APLP2: variants seen among roughly 807,000 people sequenced by gnomAD.
The protein encoded by APLP2 is CDEI box-binding protein.
Under a neutral mutation model 89.9 loss-of-function variants are expected in APLP2, and 53 were observed. The ratio of observed to expected loss-of-function variants is 0.59; its 90% confidence interval spans 0.47 to 0.74. The LOEUF (loss-of-function observed/expected upper bound fraction) is 0.74. APLP2 is among the 30% of genes least tolerant of loss of function. The pLI is 0.00. For synonymous variants in APLP2, 372 were observed against 348.6 expected, an observed-to-expected ratio of 1.07 and a Z score of -0.75; for missense variants, 973 against 975.9, an observed-to-expected ratio of 1.00 and a Z score of 0.04.
intron 3 of APLP2, among the ~76,000 whole-genome samples, chr11:130,118,774 C>G (rs940520834): frequency 6.6e-6 from 1 of 152,164 alleles, no homozygotes; most frequent in Non-Finnish European, 1.5e-5. Flanking sequence ...GGTACTGCCT[C>G]CCCTAGAGCC....
chr11:130,097,744 A>G (rs1256416345), intron 1 of APLP2, among the ~76,000 whole-genome samples: 5 of 152,238 alleles, frequency 3.3e-5, no homozygotes, highest in African/African-American at 1.2e-4. Flanking sequence ...TTTGGTTTTT[A>G]TGGAATAATG....
At chr11:130,126,573 A>T in intron 7 of APLP2, 127 bp from the exon 8 acceptor site, 2 of 1,074,902 alleles carry the variant, frequency 1.9e-6, no homozygotes, top group South Asian at 2.9e-5. Context: ...GGCAGATAGC[A>T]GCACCCTGCA....
chr11:130,125,665 A>G (rs1448561421), intron 7 of APLP2, among the ~76,000 whole-genome samples: 2 of 152,244 alleles, frequency 1.3e-5, no homozygotes, highest in African/African-American at 2.4e-5. Context: ...TATTAAAATG[A>G]TACAATTCTA....
intron 1 of APLP2, among the ~76,000 whole-genome samples, chr11:130,099,985 G>C (rs1254998989): frequency 6.6e-6 from 1 of 152,218 alleles, no homozygotes; most frequent in Non-Finnish European, 1.5e-5. Flanking sequence ...CTGTTTTGTA[G>C]ATTAAAAAAT....
At chr11:130,077,390 T>A (rs1942320712) in intron 1 of APLP2, among the ~76,000 whole-genome samples, 1 of 152,212 alleles carries the variant, frequency 6.6e-6, no homozygotes, top group Non-Finnish European at 1.5e-5. Flanking sequence ...GGATCGTTAG[T>A]ATTTTCACAT....
chr11:130,074,447 C>A (rs900803781), intron 1 of APLP2, among the ~76,000 whole-genome samples: 1 of 152,196 alleles, frequency 6.6e-6, no homozygotes, highest in Non-Finnish European at 1.5e-5. Context: ...AACTTCTGAC[C>A]TTGTGATCTG....
At chr11:130,084,446 T>A (rs10894176) in intron 1 of APLP2, among the ~76,000 whole-genome samples, 32,088 of 152,102 alleles carry the variant, frequency 0.21, 4,614 homozygotes, top group East Asian at 0.43. Context: ...TTTGTTGACA[T>A]CCTTTGCGTC....
chr11:130,121,947 C>A, intron 5 of APLP2, 137 bp downstream of exon 5: 1 of 1,357,604 alleles, frequency 7.4e-7, no homozygotes, highest in African/African-American at 1.5e-5. Flanking sequence ...ATTAAGCTTG[C>A]ATTTCATTCT....
intron 1 of APLP2, among the ~76,000 whole-genome samples, chr11:130,090,247 CTTTTTTTTTTTT>C (rs539249012): frequency 1.2e-5 from 1 of 86,116 alleles, no homozygotes; most frequent in Non-Finnish European, 2.5e-5. Context: ...CTAGCTCTGT[CTTTTTTTTTTTT>C]TTTTTTTTTA....
chr11:130,121,742 A>G lies in APLP2; in HGVS notation c.645A>G (p.Glu215=), dbSNP rs1334141755. 1 of 1,610,420 alleles carries G rather than the reference A, an allele frequency of 6.2e-7. No homozygotes were observed. The highest frequency in any genetic ancestry group is 1.4e-5 in the African/African-American group (1 of 72,860). The change falls in exon 5 of 17, where the codon GAA becomes GAG. Residue 215 remains glutamate, a synonymous_variant. Coordinates refer to ENST00000338167, the MANE Select transcript of APLP2 (RefSeq NM_001142276.2). The part of the protein sequence containing the change: ...QTKIIGSVSK[E]EEEEDEEEEE... ...AGATTATTGGATCTGTGTCAAAAGAAGAGGAAGAGGAAGATGAAGAGGAAG... is the reference window on the plus strand; with the variant it reads ...AGATTATTGGATCTGTGTCAAAAGAGGAGGAAGAGGAAGATGAAGAGGAAG...
In APLP2 at chr11:130,113,482, A is replaced by C. The variant is rs1379605220; in HGVS notation, c.403+2821A>C. Reference sequence around the variant, plus strand: ...TGTTTACCCCAGCATCCATTTGGACAACTTAGTAACCAGTCGGTAGAGCTA... The same window carrying C: ...TGTTTACCCCAGCATCCATTTGGACCACTTAGTAACCAGTCGGTAGAGCTA... On this transcript the variant is annotated intron_variant, in intron 3 of 16. Coordinates refer to ENST00000338167, the MANE Select transcript of APLP2 (RefSeq NM_001142276.2). Among the ~76,000 whole-genome samples the C allele has an allele frequency of 3.3e-5, 5 of 152,352 alleles. No homozygotes were observed. The East Asian group carries it at 9.6e-4, about 29-fold the overall frequency.
At position 130,090,419 on chromosome 11, in the gene APLP2, A is replaced by G. The variant is rs1591776344; in HGVS notation, c.106-19010A>G. ...GGCAGAGGACCCTGCGGCCTTCCGC[A>G]GTGTTTGTGTCCCTGATTACTTGAG... On this transcript the variant is annotated intron_variant, in intron 1 of 16. Transcript: ENST00000338167. 1.3e-5 allele frequency among the ~76,000 whole-genome samples: 2 copies of G among 150,212 alleles called. 1 individual carries two copies. The highest frequency in any genetic ancestry group is 4.3e-4 in the South Asian group (2 of 4,680).
chr11:130,069,915 T>G lies in APLP2; in HGVS notation c.-63T>G, dbSNP rs1378910614. ...CTTTAGATGCTTCTGGGTCGCGGTG[T>G]GCTAAGCGAGGAGTCCGAGTGTGTG... On this transcript the variant is annotated 5_prime_UTR_variant, in exon 1 of 17. Transcript: ENST00000338167. The G allele has an allele frequency of 5.5e-6, 7 of 1,272,736 alleles. No homozygotes were observed. The highest frequency in any genetic ancestry group is 7.5e-6 in the Non-Finnish European group (7 of 930,034). 78.8% of individuals were successfully genotyped at this position (1,272,736 alleles called of 1,614,324 possible). A position where few individuals can be genotyped will look rare whatever the true frequency, so the allele number is the denominator to read the frequency against.
chr11:130,102,356 T>G (rs1947055545), intron 1 of APLP2, among the ~76,000 whole-genome samples: 1 of 152,138 alleles, frequency 6.6e-6, no homozygotes, highest in African/African-American at 2.4e-5. Flanking sequence ...AAGGCCTGCT[T>G]CATTCCGCGT....
chr11:130,073,392 A>T (rs552833040), intron 1 of APLP2, among the ~76,000 whole-genome samples: 2 of 152,280 alleles, frequency 1.3e-5, no homozygotes, highest in African/African-American at 2.4e-5. Context: ...TTGGTCCTGC[A>T]TATGTTTTTA....
chr11:130,121,614 G>C lies in APLP2; in HGVS notation c.517G>C (p.Ala173Pro). The change falls in exon 5 of 17, where the codon GCA becomes CCA. Residue 173 changes from alanine to proline, a missense_variant and splice_region_variant. By Grantham distance (27) the Ala-to-Pro change is conservative (BLOSUM62 -1). Transcript: ENST00000338167. ...HQHWHTVVKE[A>P]CLTQGMTLYS... ...GATGTGGCCTGTGGGTTTCTTTTAG[G>C]CATGTCTGACTCAGGGAATGACCTT... 6.2e-7 allele frequency: 1 copy of C among 1,612,018 alleles called. No homozygotes were observed. The highest frequency in any genetic ancestry group is 8.5e-7 in the Non-Finnish European group (1 of 1,178,618).
In APLP2 at chr11:130,142,074, G is replaced by T; in HGVS notation, c.2154G>T (p.Glu718Asp). The T allele has an allele frequency of 6.2e-7, 1 of 1,611,538 alleles. No individual in the cohort carries two copies. Among genetic ancestry groups the T allele is most frequent in the Non-Finnish European group, 8.5e-7 (1 of 1,179,094 alleles). The change falls in exon 16 of 17, where the codon GAG becomes GAT. Residue 718 changes from glutamate to aspartate, a missense_variant and splice_region_variant. By Grantham distance (45) the Glu-to-Asp change is conservative. Transcript: ENST00000338167. ...QYGTISHGIV[E>D]VDPMLTPEER... ...GCACCATCAGCCACGGGATCGTGGAGGTGAGGAGCTGGGCTGCTGAGGGCC... is the reference window on the plus strand; with the variant it reads ...GCACCATCAGCCACGGGATCGTGGATGTGAGGAGCTGGGCTGCTGAGGGCC...
At chr11:130,092,798 A>G (rs1224389203) in intron 1 of APLP2, among the ~76,000 whole-genome samples, 1 of 152,094 alleles carries the variant, frequency 6.6e-6, no homozygotes, top group Non-Finnish European at 1.5e-5. Flanking sequence ...AAACTAACAA[A>G]GAACAGGAAG....
chr11:130,070,509 C>T, intron 1 of APLP2: 1 of 1,226,020 alleles, frequency 8.2e-7, no homozygotes, highest in Non-Finnish European at 1.0e-6. Context: ...CGTACGCTCC[C>T]TCGCGCGGCA....
Sources: allele counts gnomAD v4.1 joint callset (sites outside exome capture counted in the v4.1 genomes callset), GRCh38; gene constraint gnomAD v4.1.1; transcripts MANE v1.5; gene names NCBI Gene and HGNC (gene_info 2026-07-23, HGNC 2026-07-21).